KCNC2: variants seen among roughly 807,000 people sequenced by gnomAD.
KCNC2 encodes voltage-gated potassium channel KCNC2.
KCNC2 carries 21 observed loss-of-function variants against 44.5 expected under a neutral mutation model. The ratio of observed to expected loss-of-function variants is 0.47; its 90% CI spans 0.33 to 0.68. KCNC2 has a LOEUF of 0.68. Ranked by LOEUF, KCNC2 falls within the 30% of genes least tolerant of loss-of-function variation. The pLI, the probability that KCNC2 is intolerant of heterozygous loss-of-function variation, is 0.01. For missense variants in KCNC2, 589 were observed against 826.2 expected (o/e 0.71, Z 3.52); for synonymous variants, 391 against 339.1 (o/e 1.15, Z -1.68).
intron 2 of KCNC2, among the ~76,000 whole-genome samples, chr12:75,145,711 A>G (rs1889974356): frequency 6.6e-6 from 1 of 152,076 alleles, no homozygotes; most frequent in Non-Finnish European, 1.5e-5. Context: ...TTCTTGTTGT[A>G]TATTCTGGTA....
intron 2 of KCNC2, among the ~76,000 whole-genome samples, chr12:75,130,963 A>G (rs1888803064): frequency 6.6e-6 from 1 of 152,036 alleles, no homozygotes; most frequent in South Asian, 2.1e-4. Context: ...GTTTGGGTGC[A>G]CCAATGCAAT....
At chr12:75,184,774 C>A (rs1892821000) in intron 2 of KCNC2, among the ~76,000 whole-genome samples, 1 of 152,128 alleles carries the variant, frequency 6.6e-6, no homozygotes, top group Admixed American at 6.5e-5. Flanking sequence ...TCATCCAGTT[C>A]TGTATGATGC....
intron 2 of KCNC2, among the ~76,000 whole-genome samples, chr12:75,195,808 CAA>C (rs2030712176): frequency 6.6e-6 from 1 of 152,104 alleles, no homozygotes; most frequent in Admixed American, 6.6e-5. Flanking sequence ...TAAAATCCTT[CAA>C]AATCTCTCCA....
intron 2 of KCNC2, among the ~76,000 whole-genome samples, chr12:75,119,438 A>G (rs978399872): frequency 1.3e-5 from 2 of 152,214 alleles, no homozygotes; most frequent in Non-Finnish European, 2.9e-5. Context: ...ATGATCCTCA[A>G]AATAACACTG....
intron 2 of KCNC2, among the ~76,000 whole-genome samples, chr12:75,130,237 CAT>C (rs1413848346): frequency 6.6e-6 from 1 of 152,128 alleles, no homozygotes; most frequent in Non-Finnish European, 1.5e-5. Flanking sequence ...TATACACACA[CAT>C]GTATTTATAT....
chr12:75,067,541 T>C (rs1345516375), intron 2 of KCNC2, among the ~76,000 whole-genome samples: 1 of 152,170 alleles, frequency 6.6e-6, no homozygotes, highest in Non-Finnish European at 1.5e-5. Flanking sequence ...AAGGCTTCTC[T>C]GTGGAGGAGA....
At chr12:75,128,286 C>T (rs1888581181) in intron 2 of KCNC2, among the ~76,000 whole-genome samples, 1 of 152,030 alleles carries the variant, frequency 6.6e-6, no homozygotes, top group Admixed American at 6.6e-5. Context: ...TAAAAACCTA[C>T]CAGGAAAGAG....
chr12:75,078,940 G>A (rs2137070398), intron 2 of KCNC2, among the ~76,000 whole-genome samples: 1 of 152,204 alleles, frequency 6.6e-6, no homozygotes, highest in Non-Finnish European at 1.5e-5. Context: ...GATTCTAGCT[G>A]TACCTGACTT....
At chr12:75,174,415 C>T (rs1892042497) in intron 2 of KCNC2, among the ~76,000 whole-genome samples, 1 of 151,762 alleles carries the variant, frequency 6.6e-6, no homozygotes. Context: ...CTTAATCACT[C>T]TTGGTATTCT....
At chr12:75,204,588 T>C (rs2031538344) in intron 2 of KCNC2, among the ~76,000 whole-genome samples, 1 of 152,148 alleles carries the variant, frequency 6.6e-6, no homozygotes, top group South Asian at 2.1e-4. Flanking sequence ...GTTTAAATAC[T>C]TCTATTAAGA....
At chr12:75,181,933 T>C (rs1892606910) in intron 2 of KCNC2, among the ~76,000 whole-genome samples, 2 of 108,904 alleles carry the variant, frequency 1.8e-5, no homozygotes, top group African/African-American at 3.8e-5. Context: ...TTTTTTTTTT[T>C]TTTTTTTTTT....
intron 2 of KCNC2, among the ~76,000 whole-genome samples, chr12:75,171,457 T>C (rs1453221885): frequency 6.6e-6 from 1 of 151,898 alleles, no homozygotes; most frequent in Non-Finnish European, 1.5e-5. Context: ...TTCTCAGTCA[T>C]CTTTACAGGA....
chr12:75,099,482 G>T (rs1201415389), intron 2 of KCNC2, among the ~76,000 whole-genome samples: 1 of 152,106 alleles, frequency 6.6e-6, no homozygotes, highest in African/African-American at 2.4e-5. Context: ...TGCTAAAAAT[G>T]GTAGACATGT....
At chr12:75,090,857 G>A (rs1885415967) in intron 2 of KCNC2, among the ~76,000 whole-genome samples, 1 of 151,570 alleles carries the variant, frequency 6.6e-6, no homozygotes, top group South Asian at 2.1e-4. Context: ...AAAGATGCCT[G>A]AATAGACAAA....
At chr12:75,084,638 G>A (rs1240509419) in intron 2 of KCNC2, among the ~76,000 whole-genome samples, 1 of 151,834 alleles carries the variant, frequency 6.6e-6, no homozygotes, top group Non-Finnish European at 1.5e-5. Context: ...TAAGTCCAAT[G>A]AAACCTCTTT....
intron 2 of KCNC2, among the ~76,000 whole-genome samples, chr12:75,065,857 T>G (rs1882780516): frequency 6.6e-6 from 1 of 152,180 alleles, no homozygotes; most frequent in Non-Finnish European, 1.5e-5. Context: ...TAGTTTTCTC[T>G]AAAATTTTAA....
At chr12:75,051,379 T>A (rs1437455898) in intron 2 of KCNC2, 62 bp from the exon 3 acceptor site, 2 of 944,148 alleles carry the variant, frequency 2.1e-6, no homozygotes, top group Non-Finnish European at 3.1e-6. Flanking sequence ...ATGTTGATTC[T>A]AATCTAAAAG....
rs543098227 is a variant in KCNC2, at chr12:75,122,005, G to A, written c.688-70688C>T. 1.7e-4 allele frequency among the ~76,000 whole-genome samples: 26 copies of A among 152,194 alleles called. No homozygotes were observed. The South Asian group carries it at 2.3e-3, about 13-fold the overall frequency. ...TAGGAATCCTCACTTGGAGGCCACT[G>A]CTGACACCACTTACCTATTAGACCA... On this transcript the variant is annotated intron_variant, in intron 2 of 4. Coordinates refer to ENST00000549446, the MANE Select transcript of KCNC2 (RefSeq NM_139137.4).
intron 2 of KCNC2, among the ~76,000 whole-genome samples, chr12:75,181,906 T>G (rs1462934886): frequency 2.1e-5 from 3 of 142,476 alleles, no homozygotes; most frequent in East Asian, 2.2e-4. Flanking sequence ...TTATTACTAT[T>G]AATATCTTCC....
Sources: gnomAD v4.1 joint callset for allele counts (sites outside exome capture counted in the v4.1 genomes callset) on GRCh38, gnomAD v4.1.1 for gene constraint, MANE v1.5 for transcripts, NCBI Gene and HGNC (gene_info 2026-07-23, HGNC 2026-07-21) for gene names.